The following FARS2 variants were observed in gnomAD, a reference collection of about 807,000 sequenced individuals.
FARS2 encodes the protein phenylalanyl-tRNA synthetase 2, mitochondrial.
A neutral mutation model predicts 46.4 loss-of-function variants in FARS2; 40 were observed. That is an observed-to-expected ratio of 0.86 (90% CI 0.67 to 1.12). The LOEUF (loss-of-function observed/expected upper bound fraction) is 1.12, where lower values mean the gene tolerates loss of function less well. FARS2 is among the 50% of genes most tolerant of loss of function. The pLI is 0.00. For missense variants in FARS2, 513 were observed against 567.9 expected (o/e 0.90, Z 0.98); for synonymous variants, 234 against 214.9 (o/e 1.09, Z -0.78).
At chr6:5,396,952 A>G (rs934377580) in intron 2 of FARS2, among the ~76,000 whole-genome samples, 1 of 152,180 alleles carries the variant, frequency 6.6e-6, no homozygotes, top group Non-Finnish European at 1.5e-5. Flanking sequence ...GCCTAAGATC[A>G]CCACACACAA....
intron 1 of FARS2, among the ~76,000 whole-genome samples, chr6:5,342,846 G>A (rs1352054251): frequency 6.6e-6 from 1 of 152,020 alleles, no homozygotes; most frequent in Non-Finnish European, 1.5e-5. Flanking sequence ...AGACTACATT[G>A]TCCAAGTGAT....
chr6:5,404,802 CTTT>C, intron 3 of FARS2, 101 bp downstream of exon 3: 3 of 591,892 alleles, frequency 5.1e-6, no homozygotes, highest in Non-Finnish European at 7.1e-6. Flanking sequence ...TTTTGAAATT[CTTT>C]TTTTTTTTCC....
At chr6:5,402,031 A>G (rs1472362776) in intron 2 of FARS2, among the ~76,000 whole-genome samples, 1 of 151,702 alleles carries the variant, frequency 6.6e-6, no homozygotes, top group African/African-American at 2.4e-5. Flanking sequence ...CTCCAATTAT[A>G]TAAATGTAAT....
intron 4 of FARS2, among the ~76,000 whole-genome samples, chr6:5,474,781 T>C (rs566784981): frequency 6.7e-6 from 1 of 150,116 alleles, no homozygotes; most frequent in African/African-American, 2.4e-5. Flanking sequence ...TACCTCAGCC[T>C]CCTGGGTAGC....
chr6:5,624,737 C>T (rs894900476), intron 6 of FARS2, among the ~76,000 whole-genome samples: 2 of 152,148 alleles, frequency 1.3e-5, no homozygotes, highest in Non-Finnish European at 2.9e-5. Context: ...TGATTAGATT[C>T]AAGCAAGTTA....
At chr6:5,295,526 TAAATA>T (rs905757359) in intron 1 of FARS2, among the ~76,000 whole-genome samples, 3 of 152,004 alleles carry the variant, frequency 2.0e-5, no homozygotes, top group Admixed American at 1.3e-4. Context: ...ATCAAGCAAA[TAAATA>T]AAATAGTCTT....
intron 1 of FARS2, among the ~76,000 whole-genome samples, chr6:5,312,837 G>T (rs973819552): frequency 6.6e-6 from 1 of 152,144 alleles, no homozygotes; most frequent in South Asian, 2.1e-4. Flanking sequence ...TACATCTGGG[G>T]CTTCCTGTTG....
chr6:5,703,377 G>A (rs1422745654), intron 6 of FARS2, among the ~76,000 whole-genome samples: 1 of 152,186 alleles, frequency 6.6e-6, no homozygotes, highest in African/African-American at 2.4e-5. Flanking sequence ...AATAAGGTTT[G>A]TGGGTCCCTA....
chr6:5,597,073 GAGA>G (rs1774242970), intron 5 of FARS2, among the ~76,000 whole-genome samples: 1 of 152,346 alleles, frequency 6.6e-6, no homozygotes, highest in East Asian at 1.9e-4. Context: ...CCTGGTCAGG[GAGA>G]AGAAGGCCTG....
chr6:5,263,679 G>A (rs1219369000), intron 1 of FARS2, among the ~76,000 whole-genome samples: 1 of 152,126 alleles, frequency 6.6e-6, no homozygotes, highest in Non-Finnish European at 1.5e-5. Flanking sequence ...GCATCAAAAC[G>A]TAAAAATTTC....
At chr6:5,608,708 C>T (rs561583678) in intron 5 of FARS2, among the ~76,000 whole-genome samples, 45 of 152,100 alleles carry the variant, frequency 3.0e-4, no homozygotes, top group East Asian at 1.2e-3. Context: ...AACTTCAGAT[C>T]GCAACAGTAA....
intron 4 of FARS2, among the ~76,000 whole-genome samples, chr6:5,449,371 A>G (rs1376942445): frequency 1.3e-5 from 2 of 151,424 alleles, no homozygotes; most frequent in African/African-American, 2.4e-5. Flanking sequence ...AAAAAAGAAA[A>G]AAAAGAAAAA....
chr6:5,279,252 T>C (rs1007038229), intron 1 of FARS2, among the ~76,000 whole-genome samples: 2 of 151,380 alleles, frequency 1.3e-5, no homozygotes, highest in East Asian at 3.9e-4. Flanking sequence ...TGGCATGAGC[T>C]TGTAGTCTCA....
chr6:5,652,430 G>A (rs1003950722), intron 6 of FARS2, among the ~76,000 whole-genome samples: 7 of 152,234 alleles, frequency 4.6e-5, no homozygotes, highest in African/African-American at 1.7e-4. Flanking sequence ...ATACCTGGTA[G>A]TACTGTCATG....
chr6:5,432,417 T>TATATA (rs1554184628), intron 4 of FARS2, among the ~76,000 whole-genome samples: 3 of 122,666 alleles, frequency 2.4e-5, no homozygotes, highest in African/African-American at 6.0e-5. Context: ...TTATATATAA[T>TATATA]ATATAATATA....
At chr6:5,694,172 A>G (rs1757952773) in intron 6 of FARS2, among the ~76,000 whole-genome samples, 1 of 152,196 alleles carries the variant, frequency 6.6e-6, no homozygotes, top group Non-Finnish European at 1.5e-5. Flanking sequence ...ACATCTGAAA[A>G]CATGTTAATA....
chr6:5,423,001 C>G (rs899316965), intron 3 of FARS2, among the ~76,000 whole-genome samples: 1 of 152,086 alleles, frequency 6.6e-6, no homozygotes, highest in Non-Finnish European at 1.5e-5. Flanking sequence ...AAGTAACTGG[C>G]CTGAGGTCAC....
rs150098580 is a variant in FARS2 at position 5,365,646 on chromosome 6, C to T, written c.-21-2904C>T. On this transcript the variant is annotated intron_variant, in intron 1 of 6. Transcript: ENST00000274680. ...GGATCATAGGCGTGAGCCACCACACCCTACTGAGAAATGCACTTGACCCCT... is the reference window on the plus strand; with the variant it reads ...GGATCATAGGCGTGAGCCACCACACTCTACTGAGAAATGCACTTGACCCCT... Among the ~76,000 whole-genome samples, 677 of 151,772 alleles carry T rather than the reference C, an allele frequency of 4.5e-3. 2 individuals carry two copies. Among genetic ancestry groups the T allele is most frequent in the Non-Finnish European group, 7.4e-3 (505 of 67,926 alleles).
chr6:5,364,693 A>T (rs1458770483), intron 1 of FARS2, among the ~76,000 whole-genome samples: 1 of 152,146 alleles, frequency 6.6e-6, no homozygotes, highest in African/African-American at 2.4e-5. Flanking sequence ...GCAAATGATA[A>T]ATCAAGAAAT....
Sources: gnomAD v4.1 joint callset for allele counts (sites outside exome capture counted in the v4.1 genomes callset) on GRCh38, gnomAD v4.1.1 for gene constraint, MANE v1.5 for transcripts, NCBI Gene and HGNC (gene_info 2026-07-23, HGNC 2026-07-21) for gene names.